MACROD2: variants seen among roughly 807,000 people sequenced by gnomAD.
MACROD2 encodes ADP-ribose glycohydrolase MACROD2.
A neutral mutation model predicts 70.4 loss-of-function variants in MACROD2; 36 were observed. The observed-to-expected ratio is 0.51, with a 90% CI of 0.39 to 0.68. MACROD2 has a LOEUF of 0.68. Among genes scored for constraint, MACROD2 ranks in the 30% least tolerant of loss-of-function variants. The pLI, the probability that MACROD2 is intolerant of heterozygous loss-of-function variation, is 0.00. For synonymous variants in MACROD2, 172 were observed against 178.8 expected (o/e 0.96, Z 0.30); for missense variants, 496 against 538.4 (o/e 0.92, Z 0.78).
chr20:14,098,234 A>G (rs2054254582), intron 3 of MACROD2, among the ~76,000 whole-genome samples: 1 of 152,232 alleles, frequency 6.6e-6, no homozygotes, highest in African/African-American at 2.4e-5. Flanking sequence ...AGATATGTGT[A>G]AGACCAACTA....
intron 5 of MACROD2, among the ~76,000 whole-genome samples, chr20:15,196,232 C>G (rs139482100): frequency 1.3e-5 from 2 of 151,124 alleles, no homozygotes; most frequent in South Asian, 4.2e-4. Context: ...CATGTGTACC[C>G]CTGAACTTAA....
intron 5 of MACROD2, among the ~76,000 whole-genome samples, chr20:14,798,511 A>C (rs2122131283): frequency 6.6e-6 from 1 of 152,140 alleles, no homozygotes; most frequent in South Asian, 2.1e-4. Context: ...GATCAGAGAG[A>C]GACTTTTTTT....
At chr20:15,042,675 TAGCACCTGAAATTCCATC>T (rs66577146) in intron 5 of MACROD2, among the ~76,000 whole-genome samples, 2,811 of 152,300 alleles carry the variant, frequency 0.018, 37 homozygotes, top group Middle Eastern at 0.041. Context: ...GTCCCTGTCT[TAGCACCTGAAATTCCATC>T]AGCAGAAGCT....
intron 6 of MACROD2, among the ~76,000 whole-genome samples, chr20:15,287,479 C>T (rs1354130710): frequency 6.6e-6 from 1 of 152,102 alleles, no homozygotes; most frequent in Non-Finnish European, 1.5e-5. Flanking sequence ...CGAGGGAGAA[C>T]CATGAGGTTT....
intron 3 of MACROD2, among the ~76,000 whole-genome samples, chr20:14,108,199 G>T (rs2054397836): frequency 6.6e-6 from 1 of 151,394 alleles, no homozygotes; most frequent in Admixed American, 6.6e-5. Context: ...TAAAATATTG[G>T]GTTATAAGAT....
chr20:15,762,546 TGA>T (rs1035079392), intron 8 of MACROD2, among the ~76,000 whole-genome samples: 4 of 152,200 alleles, frequency 2.6e-5, no homozygotes, highest in Non-Finnish European at 5.9e-5. Context: ...ACTTTGAGCA[TGA>T]GTTTGACCAT....
chr20:14,202,953 A>G (rs2081491799), intron 3 of MACROD2, among the ~76,000 whole-genome samples: 1 of 152,086 alleles, frequency 6.6e-6, no homozygotes, highest in Admixed American at 6.5e-5. Context: ...AGACTGAGGC[A>G]GGAGAATCAC....
At chr20:15,480,811 T>C (rs368823817) in intron 7 of MACROD2, among the ~76,000 whole-genome samples, 2 of 152,178 alleles carry the variant, frequency 1.3e-5, no homozygotes, top group Non-Finnish European at 2.9e-5. Flanking sequence ...TGGAATGACG[T>C]TGTCCCTCCA....
At chr20:15,912,635 AG>A (rs1012499314) in intron 10 of MACROD2, among the ~76,000 whole-genome samples, 2 of 152,212 alleles carry the variant, frequency 1.3e-5, no homozygotes, top group Non-Finnish European at 1.5e-5. Context: ...TGACCACAAA[AG>A]TTGGTTATCG....
In MACROD2 at chr20:16,053,161, A is replaced by T. The variant is rs2067479888; in HGVS notation, c.*3285A>T. On this transcript the variant is annotated 3_prime_UTR_variant, in exon 18 of 18. Coordinates refer to ENST00000684519, the MANE Select transcript of MACROD2 (RefSeq NM_001351661.2). Reference sequence around the variant, plus strand: ...CTTCATACTATATTTGTTAGAGCAGAATACAAATAAAATTTGTTTGAGAGG... The same window carrying T: ...CTTCATACTATATTTGTTAGAGCAGTATACAAATAAAATTTGTTTGAGAGG... 1.0e-5 allele frequency: 1 copy of T among 96,346 alleles called. No homozygotes were observed. The highest frequency in any genetic ancestry group is 2.5e-5 in the Non-Finnish European group (1 of 39,400). The allele number at this position is 96,346 out of a possible 1,614,324, so 6.0% of individuals were successfully genotyped here.
At chr20:15,974,875 T>A (rs1285717178) in intron 13 of MACROD2, among the ~76,000 whole-genome samples, 1 of 152,158 alleles carries the variant, frequency 6.6e-6, no homozygotes, top group Non-Finnish European at 1.5e-5. Flanking sequence ...GTAATGTGTG[T>A]GCATATGTCA....
At chr20:15,160,116 G>A (rs1738023431) in intron 5 of MACROD2, among the ~76,000 whole-genome samples, 1 of 152,094 alleles carries the variant, frequency 6.6e-6, no homozygotes, top group Admixed American at 6.6e-5. Flanking sequence ...CTGTATTTCA[G>A]AGACAATTGG....
At chr20:14,493,609 G>T in intron 4 of MACROD2, 101 bp downstream of exon 4, 4 of 922,634 alleles carry the variant, frequency 4.3e-6, no homozygotes, top group Middle Eastern at 6.3e-4. Context: ...AATTAATTTT[G>T]CTGTAGTCAT....
chr20:16,044,127 A>C (rs1011986198), intron 16 of MACROD2, among the ~76,000 whole-genome samples: 1 of 152,042 alleles, frequency 6.6e-6, no homozygotes, highest in Non-Finnish European at 1.5e-5. Flanking sequence ...TCTGATGAGG[A>C]ACTCAGGAAG....
chr20:15,066,046 G>C (rs1051583740), intron 5 of MACROD2, among the ~76,000 whole-genome samples: 2 of 152,022 alleles, frequency 1.3e-5, no homozygotes, highest in Non-Finnish European at 2.9e-5. Context: ...TGGCTACCTA[G>C]GGCAGTGTTC....
At chr20:14,242,770 A>G (rs1298826786) in intron 3 of MACROD2, among the ~76,000 whole-genome samples, 2 of 152,212 alleles carry the variant, frequency 1.3e-5, no homozygotes, top group Admixed American at 1.3e-4. Context: ...TTGCAAGCAA[A>G]TAAAAACAAT....
chr20:14,885,942 G>C (rs2073669864), intron 5 of MACROD2, among the ~76,000 whole-genome samples: 2 of 152,154 alleles, frequency 1.3e-5, no homozygotes, highest in African/African-American at 4.8e-5. Flanking sequence ...CCAGGCCCTG[G>C]AGATACTACA....
At chr20:15,798,011 A>C (rs745528479) in intron 8 of MACROD2, among the ~76,000 whole-genome samples, 5 of 152,254 alleles carry the variant, frequency 3.3e-5, no homozygotes, top group Non-Finnish European at 7.3e-5. Context: ...CAGAAATTTC[A>C]GTGCAAAAGC....
At position 15,869,228 on chromosome 20, in the gene MACROD2, T is replaced by G. The variant is rs1417261061; in HGVS notation, c.727+6402T>G. On this transcript the variant is annotated intron_variant, in intron 9 of 17. Transcript: ENST00000684519. ...TGATTAACATATATATATATATATA[T>G]ATATATATATAGAGAGAGAGAGAGA... 6.1e-3 allele frequency among the ~76,000 whole-genome samples: 270 copies of G among 43,938 alleles called. 5 individuals are homozygous for G. The highest frequency in any genetic ancestry group is 0.014 in the African/African-American group (220 of 16,134). The allele number at this position is 43,938 out of a possible 152,430, so 28.8% of individuals were successfully genotyped here. A position where few individuals can be genotyped will look rare whatever the true frequency, so the allele number is the denominator to read the frequency against.
Sources: gnomAD v4.1 joint callset for allele counts (sites outside exome capture counted in the v4.1 genomes callset) on GRCh38, gnomAD v4.1.1 for gene constraint, MANE v1.5 for transcripts, NCBI Gene and HGNC (gene_info 2026-07-23, HGNC 2026-07-21) for gene names.